FMN2: variants seen among roughly 807,000 people sequenced by gnomAD.
FMN2 encodes formin-2.
Under a neutral mutation model 142.3 loss-of-function variants are expected in FMN2, and 51 were observed. The observed-to-expected ratio is 0.36, with a 90% CI of 0.29 to 0.45. FMN2 has a LOEUF of 0.45. Among genes scored for constraint, FMN2 ranks in the 20% least tolerant of loss-of-function variants. The pLI is 1.00. For missense variants in FMN2, 1,936 were observed against 2,122.8 expected (o/e 0.91, Z 1.73); for synonymous variants, 882 against 869.8 (o/e 1.01, Z -0.25).
chr1:240,269,525 G>C (rs1489523076), intron 7 of FMN2, among the ~76,000 whole-genome samples: 1 of 151,554 alleles, frequency 6.6e-6, no homozygotes, highest in African/African-American at 2.4e-5. Context: ...TTGGCTATTT[G>C]GTTTTTTTTG....
chr1:240,425,699 G>A (rs1271419461), intron 15 of FMN2, among the ~76,000 whole-genome samples: 2 of 152,198 alleles, frequency 1.3e-5, no homozygotes, highest in Non-Finnish European at 2.9e-5. Flanking sequence ...AGAAACTGTT[G>A]AGAAGGAGAT....
chr1:240,300,307 A>G (rs1337891588), intron 8 of FMN2, among the ~76,000 whole-genome samples: 1 of 152,202 alleles, frequency 6.6e-6, no homozygotes, highest in Non-Finnish European at 1.5e-5. Context: ...TGACTGTTGA[A>G]TGAATGAACC....
chr1:240,392,570 A>G lies in FMN2; in HGVS notation c.4910+8A>G. On this transcript the variant is annotated splice_region_variant and intron_variant, in intron 15 of 17. Coordinates refer to ENST00000319653, the MANE Select transcript of FMN2 (RefSeq NM_020066.5). ...GACAGAGACTCATAAATGGTGAGAA[A>G]TTACTTTATTTCCTCCCAGAATAGC... 1 of 1,604,300 alleles carries G rather than the reference A, an allele frequency of 6.2e-7. No homozygotes were observed. The highest frequency in any genetic ancestry group is 8.5e-7 in the Non-Finnish European group (1 of 1,174,924).
intron 15 of FMN2, among the ~76,000 whole-genome samples, chr1:240,419,278 T>A (rs1025554814): frequency 6.6e-6 from 1 of 152,192 alleles, no homozygotes; most frequent in Admixed American, 6.5e-5. Flanking sequence ...TTCAGTGCTA[T>A]CTCTTTTCTG....
Position 240,144,597 on chromosome 1 carries a change from G to C in FMN2, c.1782+21252G>C, listed in dbSNP as rs1026232837. On this transcript the variant is annotated intron_variant, in intron 2 of 17. Coordinates refer to ENST00000319653, the MANE Select transcript of FMN2 (RefSeq NM_020066.5). ...GCCAATCTCAGAGCTTTAGGAAAGC[G>C]GCTAAACTTTCAGAACACACCCAGG... The C allele has an allele frequency of 1.6e-5, 22 of 1,334,666 alleles. 1 individual carries two copies. In the South Asian group the frequency reaches 2.5e-4, roughly 15 times the overall value. The allele number at this position is 1,334,666 out of a possible 1,614,324, so 82.7% of individuals were successfully genotyped here. A position where few individuals can be genotyped will look rare whatever the true frequency, so the allele number is the denominator to read the frequency against.
chr1:240,297,887 A>G (rs1225838565), intron 8 of FMN2, among the ~76,000 whole-genome samples: 1 of 152,172 alleles, frequency 6.6e-6, no homozygotes, highest in East Asian at 1.9e-4. Flanking sequence ...GCCCTCTTCC[A>G]GGTTCACAGA....
chr1:240,170,594 G>A, intron 2 of FMN2: 1 of 1,572,254 alleles, frequency 6.4e-7, no homozygotes, highest in East Asian at 2.2e-5. Flanking sequence ...CATTACATGG[G>A]AACCAGCACA....
At chr1:240,359,977 G>T (rs1173141443) in intron 14 of FMN2, among the ~76,000 whole-genome samples, 1 of 152,148 alleles carries the variant, frequency 6.6e-6, no homozygotes, top group Non-Finnish European at 1.5e-5. Context: ...CATAGGTCTA[G>T]CAACCCTTGT....
At chr1:240,174,015 T>C (rs1216437951) in intron 2 of FMN2, among the ~76,000 whole-genome samples, 2 of 152,152 alleles carry the variant, frequency 1.3e-5, no homozygotes, top group Non-Finnish European at 1.5e-5. Context: ...TGGTTGATCA[T>C]GATGCCAGGT....
At chr1:240,245,578 T>C (rs890561749) in intron 6 of FMN2, 2 of 471,130 alleles carry the variant, frequency 4.2e-6, no homozygotes, top group Non-Finnish European at 8.8e-6. Flanking sequence ...AAGTGTCTGG[T>C]TTTTTTATGG....
chr1:240,210,597 T>C (rs1666653212), intron 5 of FMN2, among the ~76,000 whole-genome samples: 1 of 152,222 alleles, frequency 6.6e-6, no homozygotes, highest in South Asian at 2.1e-4. Context: ...TTTAAAAAGA[T>C]GTGTTTACCC....
At chr1:240,361,179 A>ATATATG (rs1553368739) in intron 14 of FMN2, among the ~76,000 whole-genome samples, 14 of 105,988 alleles carry the variant, frequency 1.3e-4, no homozygotes, top group South Asian at 2.6e-4. Context: ...ATATATATAT[A>ATATATG]TATATAAAAG....
At chr1:240,122,349 C>T (rs565590287) in intron 1 of FMN2, among the ~76,000 whole-genome samples, 3 of 152,012 alleles carry the variant, frequency 2.0e-5, no homozygotes, top group South Asian at 4.2e-4. Context: ...CTGCAACCTC[C>T]GCCACCCAGC....
intron 2 of FMN2, among the ~76,000 whole-genome samples, chr1:240,137,505 A>G (rs1418409368): frequency 6.6e-6 from 1 of 152,228 alleles, no homozygotes; most frequent in Non-Finnish European, 1.5e-5. Context: ...CCCCTGCTCT[A>G]TACTCATGTA....
At chr1:240,368,966 T>TATATATATATATATATATATATATAC (rs1449579272) in intron 14 of FMN2, among the ~76,000 whole-genome samples, 1 of 151,270 alleles carries the variant, frequency 6.6e-6, no homozygotes, top group African/African-American at 2.4e-5. Context: ...TATATATATA[T>TATATATATATATATATATATATATAC]ATATATAAAC....
chr1:240,431,877 G>GTT lies in FMN2; in HGVS notation c.4911-6174_4911-6173dup, dbSNP rs757768209. Among the ~76,000 whole-genome samples, 214 of 141,936 alleles carry GTT rather than the reference G, an allele frequency of 1.5e-3. 1 individual carries two copies. Among genetic ancestry groups the GTT allele is most frequent in the African/African-American group, 4.9e-3 (194 of 39,232 alleles). The allele number at this position is 141,936 out of a possible 152,430, so 93.1% of individuals were successfully genotyped here. A position where few individuals can be genotyped will look rare whatever the true frequency, so the allele number is the denominator to read the frequency against. ...TTTGATTTGATGATGTTTTATTAAG[G>GTT]TTTTTTTTTTTGCTTATGCTCATGA... On this transcript the variant is annotated intron_variant, in intron 15 of 17. Transcript: ENST00000319653.
intron 16 of FMN2, among the ~76,000 whole-genome samples, chr1:240,464,419 C>T (rs1676546894): frequency 6.6e-6 from 1 of 152,150 alleles, no homozygotes. Flanking sequence ...ATGATCCTCT[C>T]AGCTCTTTTC....
At chr1:240,249,413 T>G (rs1230790627) in intron 6 of FMN2, among the ~76,000 whole-genome samples, 2 of 152,170 alleles carry the variant, frequency 1.3e-5, no homozygotes, top group African/African-American at 4.8e-5. Context: ...CCTGTAAATA[T>G]GTGGATTTAT....
intron 8 of FMN2, among the ~76,000 whole-genome samples, chr1:240,324,785 C>A (rs543275016): frequency 6.8e-6 from 1 of 147,428 alleles, no homozygotes; most frequent in African/African-American, 2.6e-5. Context: ...CTATTTTAAA[C>A]CTTGCATCAA....
Sources: gnomAD v4.1 joint callset for allele counts (sites outside exome capture counted in the v4.1 genomes callset) on GRCh38, gnomAD v4.1.1 for gene constraint, MANE v1.5 for transcripts, NCBI Gene and HGNC (gene_info 2026-07-23, HGNC 2026-07-21) for gene names.